The following PTPRG variants were observed in gnomAD, a reference collection of about 807,000 sequenced individuals.
PTPRG encodes protein tyrosine phosphatase receptor type G, also known as receptor-type tyrosine-protein phosphatase gamma.
In PTPRG, 102 loss-of-function variants were observed where a neutral mutation model predicts 165.3. The ratio of observed to expected loss-of-function variants is 0.62; its 90% CI spans 0.53 to 0.73. PTPRG has a LOEUF of 0.73. Among genes scored for constraint, PTPRG ranks in the 30% least tolerant of loss-of-function variants. The pLI, the probability that PTPRG is intolerant of heterozygous loss-of-function variation, is 0.00. For synonymous variants in PTPRG, 675 were observed against 669.5 expected, an observed-to-expected ratio of 1.01 and a Z score of -0.13; for missense variants, 1,866 against 1,861.4, an observed-to-expected ratio of 1.00 and a Z score of -0.05.
At chr3:62,242,454 G>A (rs1040274504) in intron 14 of PTPRG, among the ~76,000 whole-genome samples, 4 of 152,186 alleles carry the variant, frequency 2.6e-5, no homozygotes, top group Non-Finnish European at 4.4e-5. Flanking sequence ...TGATTCTAGA[G>A]CACTATCCAA....
chr3:62,124,510 C>T (rs1559537380), intron 5 of PTPRG: 3 of 1,577,166 alleles, frequency 1.9e-6, no homozygotes, highest in Non-Finnish European at 8.7e-7. Flanking sequence ...ACAGCAGGCT[C>T]ATCAGGTCAT....
At chr3:61,982,000 A>G (rs1306763474) in intron 2 of PTPRG, among the ~76,000 whole-genome samples, 1 of 152,156 alleles carries the variant, frequency 6.6e-6, no homozygotes, top group Admixed American at 6.5e-5. Flanking sequence ...TTAGCCTTGA[A>G]CTAGAACTCA....
At chr3:61,949,660 C>CTT (rs2039849193) in intron 2 of PTPRG, among the ~76,000 whole-genome samples, 1 of 152,006 alleles carries the variant, frequency 6.6e-6, no homozygotes, top group South Asian at 2.1e-4. Flanking sequence ...GGTGCTGAAA[C>CTT]CTAAGACATT....
chr3:61,573,284 A>G (rs550649452), intron 1 of PTPRG, among the ~76,000 whole-genome samples: 2 of 152,346 alleles, frequency 1.3e-5, no homozygotes, highest in African/African-American at 2.4e-5. Flanking sequence ...GCCAGTGACT[A>G]TTAATAGAGT....
At chr3:61,646,408 G>A (rs1225002269) in intron 1 of PTPRG, among the ~76,000 whole-genome samples, 3 of 152,152 alleles carry the variant, frequency 2.0e-5, no homozygotes, top group East Asian at 1.9e-4. Flanking sequence ...CACCGCTCCT[G>A]GCCAGATCAT....
chr3:61,610,777 C>T (rs28446651), intron 1 of PTPRG, among the ~76,000 whole-genome samples: 1 of 86,446 alleles, frequency 1.2e-5, no homozygotes, highest in East Asian at 3.9e-4. Context: ...CTCCCTACCT[C>T]CCTCCCTCTC....
At position 62,097,144 on chromosome 3, in the gene PTPRG, G is replaced by A. The variant is rs541545797; in HGVS notation, c.615+18886G>A. ...GCAAACTCAGAGTTTCTTTGGAACC[G>A]ATTGCCTTTGTTCCACTTAGTATCA... On this transcript the variant is annotated intron_variant, in intron 5 of 29. Coordinates refer to ENST00000474889, the MANE Select transcript of PTPRG (RefSeq NM_002841.4). 2.4e-4 allele frequency among the ~76,000 whole-genome samples: 36 copies of A among 152,252 alleles called. 1 individual carries two copies. The highest frequency in any genetic ancestry group is 7.9e-4 in the African/African-American group (33 of 41,540).
intron 2 of PTPRG, among the ~76,000 whole-genome samples, chr3:61,783,873 G>A (rs2034615435): frequency 6.6e-6 from 1 of 152,140 alleles, no homozygotes; most frequent in African/African-American, 2.4e-5. Context: ...GTGGAGACAT[G>A]ACAGGGATCT....
intron 2 of PTPRG, among the ~76,000 whole-genome samples, chr3:61,801,046 G>T (rs920269052): frequency 6.6e-6 from 1 of 152,132 alleles, no homozygotes; most frequent in African/African-American, 2.4e-5. Flanking sequence ...CCCTGGCACC[G>T]CCTGCCGTAG....
chr3:61,801,795 AG>A (rs1386833111), intron 2 of PTPRG, among the ~76,000 whole-genome samples: 4 of 152,150 alleles, frequency 2.6e-5, no homozygotes, highest in Admixed American at 2.6e-4. Context: ...GAAGGCCCAG[AG>A]GGCCGGATGC....
chr3:62,297,582 CATAAA>C lies in PTPRG; in HGVS notation c.*4281_*4285del, dbSNP rs962614209. 6 of 151,414 alleles carry C rather than the reference CATAAA, an allele frequency of 4.0e-5. No individual in the cohort carries two copies. Among genetic ancestry groups the C allele is most frequent in the Non-Finnish European group, 5.9e-5 (4 of 67,886 alleles). 9.4% of individuals were successfully genotyped at this position (151,414 alleles called of 1,614,324 possible). A position where few individuals can be genotyped will look rare whatever the true frequency, so the allele number is the denominator to read the frequency against. ...TTAATATGTAAATTGTATTGCTATACATAAAATAAAGTATGGTTTTTGATGTATTC... is the reference window on the plus strand; with the variant it reads ...TTAATATGTAAATTGTATTGCTATACATAAAGTATGGTTTTTGATGTATTC... On this transcript the variant is annotated 3_prime_UTR_variant, in exon 30 of 30. Transcript: ENST00000474889.
intron 5 of PTPRG, among the ~76,000 whole-genome samples, chr3:62,086,839 T>A (rs1701768138): frequency 6.6e-6 from 1 of 151,876 alleles, no homozygotes; most frequent in African/African-American, 2.4e-5. Flanking sequence ...TGTACAACAT[T>A]GAATTTATAG....
At chr3:61,828,691 G>C (rs1317115334) in intron 2 of PTPRG, among the ~76,000 whole-genome samples, 2 of 152,166 alleles carry the variant, frequency 1.3e-5, no homozygotes, top group African/African-American at 2.4e-5. Flanking sequence ...CTTCAGATAG[G>C]ATAGTATTGG....
At chr3:62,061,638 T>C (rs1248665747) in intron 4 of PTPRG, among the ~76,000 whole-genome samples, 143 of 151,836 alleles carry the variant, frequency 9.4e-4, no homozygotes, top group Non-Finnish European at 1.1e-3. Flanking sequence ...TTTTCTTTTT[T>C]TTTTTTTTTA....
At chr3:61,951,992 C>T (rs988094742) in intron 2 of PTPRG, among the ~76,000 whole-genome samples, 12 of 151,844 alleles carry the variant, frequency 7.9e-5, no homozygotes, top group Admixed American at 7.2e-4. Context: ...GTGGTGCGTG[C>T]CTGTAATCTC....
intron 15 of PTPRG, among the ~76,000 whole-genome samples, chr3:62,247,542 TA>T (rs1370827235): frequency 6.6e-6 from 1 of 152,104 alleles, no homozygotes; most frequent in East Asian, 1.9e-4. Flanking sequence ...TTCCCCATAT[TA>T]AAAAAATCTC....
intron 2 of PTPRG, among the ~76,000 whole-genome samples, chr3:61,859,545 A>G (rs182657105): frequency 1.6e-3 from 236 of 151,228 alleles, no homozygotes; most frequent in African/African-American, 5.2e-3. Context: ...GCGAAATTCT[A>G]TGAGCCCCCA....
intron 4 of PTPRG, among the ~76,000 whole-genome samples, chr3:62,071,878 C>A (rs532388782): frequency 6.6e-6 from 1 of 152,292 alleles, no homozygotes; most frequent in African/African-American, 2.4e-5. Flanking sequence ...GCCAATGAAT[C>A]ATAGTACAGT....
At chr3:62,090,573 G>T (rs538612112) in intron 5 of PTPRG, among the ~76,000 whole-genome samples, 1 of 152,044 alleles carries the variant, frequency 6.6e-6, no homozygotes, top group South Asian at 2.1e-4. Context: ...GTCCTCATCC[G>T]ACTAAAACAG....
Sources: allele counts gnomAD v4.1 joint callset (sites outside exome capture counted in the v4.1 genomes callset), GRCh38; gene constraint gnomAD v4.1.1; transcripts MANE v1.5; gene names NCBI Gene and HGNC (gene_info 2026-07-23, HGNC 2026-07-21).